The following CAMTA1 variants were observed in gnomAD, a reference collection of about 807,000 sequenced individuals.
CAMTA1 encodes calmodulin-binding transcription activator 1.
CAMTA1 carries 27 observed loss-of-function variants against 170.9 expected under a neutral mutation model. The observed-to-expected ratio is 0.16, with a 90% CI of 0.12 to 0.22. CAMTA1 has a LOEUF of 0.22. Ranked by LOEUF, CAMTA1 falls within the 10% of genes least tolerant of loss-of-function variation. CAMTA1 has a pLI of 1.00. For missense variants in CAMTA1, 1,619 were observed against 2,217.2 expected (o/e 0.73, Z 5.42); for synonymous variants, 833 against 891.5 (o/e 0.93, Z 1.17).
At position 7,092,240 on chromosome 1, in the gene CAMTA1, C is replaced by G. The variant is rs543300935; in HGVS notation, c.302+869C>G. On this transcript the variant is annotated intron_variant, in intron 4 of 22. Transcript: ENST00000303635. The surrounding 1 kb of genome is among the most constrained non-coding windows in gnomAD (Gnocchi z 5.0). ...GTGGTGGAATGTCCAGTTGGTTTCA[C>G]GTTGGACAGAAGCCCCAGAGTCCCC... Among the ~76,000 whole-genome samples, 2 of 152,168 alleles carry G rather than the reference C, an allele frequency of 1.3e-5. No individual in the cohort carries two copies. The highest frequency in any genetic ancestry group is 2.4e-5 in the African/African-American group (1 of 41,436).
intron 5 of CAMTA1, among the ~76,000 whole-genome samples, chr1:7,360,842 T>G (rs2085485780): frequency 6.6e-6 from 1 of 152,224 alleles, no homozygotes; most frequent in Middle Eastern, 3.2e-3. Flanking sequence ...CGGAGTTGCC[T>G]GCACCAATTG....
intron 5 of CAMTA1, among the ~76,000 whole-genome samples, chr1:7,343,921 A>G (rs1430569220): frequency 6.6e-6 from 1 of 152,136 alleles, no homozygotes; most frequent in East Asian, 1.9e-4. Flanking sequence ...GTGGGTCTCT[A>G]CCACCATTCA....
chr1:6,902,614 G>A (rs1376369944), intron 3 of CAMTA1, among the ~76,000 whole-genome samples: 4 of 152,184 alleles, frequency 2.6e-5, no homozygotes, highest in Non-Finnish European at 5.9e-5. Context: ...TGGTGTTTGT[G>A]ATTGTGGTTA....
At chr1:7,445,319 G>A (rs1463762218) in intron 5 of CAMTA1, among the ~76,000 whole-genome samples, 5 of 151,716 alleles carry the variant, frequency 3.3e-5, no homozygotes, top group African/African-American at 7.3e-5. Flanking sequence ...TGGAGAAGCC[G>A]CTGCTATGAG....
chr1:6,808,494 T>C lies in CAMTA1; in HGVS notation c.46-11687T>C, dbSNP rs116456207. Among the ~76,000 whole-genome samples the C allele has an allele frequency of 3.2e-3, 494 of 152,314 alleles. 1 individual carries two copies. The highest frequency in any genetic ancestry group is 5.9e-3 in the Non-Finnish European group (404 of 68,030). On this transcript the variant is annotated intron_variant, in intron 1 of 22. Coordinates refer to ENST00000303635, the MANE Select transcript of CAMTA1 (RefSeq NM_015215.4). ...TCTTGCTGACTTTCTGTGTCTTCTG[T>C]GTTTCAGCTTAAATGAAACTTCCAA... is the stretch of plus-strand genomic sequence containing the variant.
At position 7,720,650 on chromosome 1, in the gene CAMTA1, G is replaced by C. The variant is rs531400452; in HGVS notation, c.2915-11798G>C. On this transcript the variant is annotated intron_variant, in intron 11 of 22. Coordinates refer to ENST00000303635, the MANE Select transcript of CAMTA1 (RefSeq NM_015215.4). ...CCTGCCTCAGCCTCCTAAAGTGCTG[G>C]GATTACAGGCGTGAGCCACCAGGCC... Among the ~76,000 whole-genome samples, 141 of 152,258 alleles carry C rather than the reference G, an allele frequency of 9.3e-4. 1 individual carries two copies. The highest frequency in any genetic ancestry group is 1.7e-3 in the Non-Finnish European group (119 of 68,028).
rs1338756360 is a variant in CAMTA1, at chr1:7,456,651, G to A, written c.439-11179G>A. ...GAAAGCCTGTTCTTTGCTGGGGCCCGCAGGGAGCCAGGTATCAGGACAGAT... is the reference window on the plus strand; with the variant it reads ...GAAAGCCTGTTCTTTGCTGGGGCCCACAGGGAGCCAGGTATCAGGACAGAT... On this transcript the variant is annotated intron_variant, in intron 5 of 22. Transcript: ENST00000303635. The surrounding 1 kb of genome is among the most constrained non-coding windows in gnomAD (Gnocchi z 4.9). Among the ~76,000 whole-genome samples, 16 of 152,218 alleles carry A rather than the reference G, an allele frequency of 1.1e-4. No individual in the cohort carries two copies. The highest frequency in any genetic ancestry group is 2.9e-4 in the African/African-American group (12 of 41,458).
At chr1:7,399,386 T>A (rs2089707298) in intron 5 of CAMTA1, among the ~76,000 whole-genome samples, 1 of 152,216 alleles carries the variant, frequency 6.6e-6, no homozygotes, top group Non-Finnish European at 1.5e-5. Flanking sequence ...ATGCTTCTAA[T>A]ACAGCCTGTA....
At chr1:7,073,625 G>A (rs186214756) in intron 3 of CAMTA1, among the ~76,000 whole-genome samples, 3 of 152,286 alleles carry the variant, frequency 2.0e-5, no homozygotes, top group South Asian at 2.1e-4. Context: ...TGAAGATGAC[G>A]TTTCAATGAG....
intron 6 of CAMTA1, among the ~76,000 whole-genome samples, chr1:7,491,251 C>T (rs558510546): frequency 6.6e-6 from 1 of 152,284 alleles, no homozygotes; most frequent in South Asian, 2.1e-4. Context: ...GGACTCCACC[C>T]ACCCTCTTTC....
chr1:7,222,506 C>T (rs981128531), intron 4 of CAMTA1, among the ~76,000 whole-genome samples: 2 of 152,196 alleles, frequency 1.3e-5, no homozygotes, highest in Non-Finnish European at 2.9e-5. Context: ...CCTGGCTCTA[C>T]ATCACCCCAT....
intron 3 of CAMTA1, among the ~76,000 whole-genome samples, chr1:7,038,327 G>A (rs376752066): frequency 2.4e-3 from 368 of 152,268 alleles, no homozygotes; most frequent in African/African-American, 7.5e-3. Flanking sequence ...GTCCACCAGT[G>A]GGGACATCAT....
intron 5 of CAMTA1, among the ~76,000 whole-genome samples, chr1:7,317,382 C>G (rs1439446754): frequency 1.3e-5 from 2 of 152,206 alleles, no homozygotes; most frequent in Non-Finnish European, 2.9e-5. Flanking sequence ...AGAAGTCACT[C>G]AACCTCTCTG....
chr1:7,398,183 CTCTCTCTCTCTATATATATATA>C (rs1369208399), intron 5 of CAMTA1, among the ~76,000 whole-genome samples: 14 of 45,238 alleles, frequency 3.1e-4, no homozygotes, highest in African/African-American at 6.1e-4. Context: ...CTCTCTCTCT[CTCTCTCTCTCTATATATATATA>C]TATATATATA....
chr1:7,131,023 G>A (rs534257803), intron 4 of CAMTA1, among the ~76,000 whole-genome samples: 16 of 151,090 alleles, frequency 1.1e-4, no homozygotes, highest in South Asian at 4.2e-4. Flanking sequence ...GCACGATCTC[G>A]GCTCACTGCA....
intron 5 of CAMTA1, among the ~76,000 whole-genome samples, chr1:7,309,577 G>T (rs1156506403): frequency 6.6e-6 from 1 of 152,012 alleles, no homozygotes; most frequent in African/African-American, 2.4e-5. Context: ...GGGATTACAG[G>T]CGTGAGCCGC....
intron 3 of CAMTA1, among the ~76,000 whole-genome samples, chr1:6,936,944 C>T (rs1446253195): frequency 2.0e-5 from 3 of 152,106 alleles, no homozygotes; most frequent in Non-Finnish European, 4.4e-5. Flanking sequence ...GCCGAGATTA[C>T]GCCACTGCAC....
intron 3 of CAMTA1, among the ~76,000 whole-genome samples, chr1:7,027,043 C>CT (rs1338442545): frequency 4.6e-5 from 7 of 152,076 alleles, no homozygotes; most frequent in Admixed American, 6.6e-5. Context: ...AGAGTCAGGC[C>CT]TGGGCTGGAC....
chr1:7,699,693 T>G (rs1379599644), intron 11 of CAMTA1, among the ~76,000 whole-genome samples: 2 of 152,238 alleles, frequency 1.3e-5, no homozygotes, highest in Non-Finnish European at 2.9e-5. Context: ...ATTGTCTTTC[T>G]TTGTGATTAT....
Sources: allele counts gnomAD v4.1 joint callset (sites outside exome capture counted in the v4.1 genomes callset), GRCh38; gene constraint gnomAD v4.1.1; non-coding constraint Gnocchi (gnomAD v3.1); transcripts MANE v1.5; gene names NCBI Gene and HGNC (gene_info 2026-07-23, HGNC 2026-07-21).